Variants in BRMS1L observed in about 807,000 individuals in gnomAD.
BRMS1L encodes breast cancer metastasis-suppressor 1-like protein.
In BRMS1L, 23 loss-of-function variants were observed where a neutral mutation model predicts 50.3. The ratio of observed to expected loss-of-function variants is 0.46; its 90% CI spans 0.33 to 0.65. The LOEUF (loss-of-function observed/expected upper bound fraction) is 0.65. BRMS1L is among the 30% of genes least tolerant of loss of function. The probability of loss-of-function intolerance (pLI) is 0.02; values close to 1 mark genes in which losing one functional copy is unlikely to be tolerated. For missense variants in BRMS1L, 286 were observed against 386.1 expected (o/e 0.74, Z 2.17); for synonymous variants, 114 against 126.9 (o/e 0.90, Z 0.69).
intron 3 of BRMS1L, among the ~76,000 whole-genome samples, chr14:35,834,336 A>G (rs77284577): frequency 0.022 from 3,380 of 152,150 alleles, 129 homozygotes; most frequent in South Asian, 0.15. Context: ...TGTCAGGAGC[A>G]CTCCAGACAT....
At chr14:35,856,693 ACT>A (rs1158356446) in intron 4 of BRMS1L, among the ~76,000 whole-genome samples, 1 of 151,676 alleles carries the variant, frequency 6.6e-6, no homozygotes, top group Non-Finnish European at 1.5e-5. Context: ...CTCACTGCAA[ACT>A]CTGCCTCCCA....
At chr14:35,837,938 T>C (rs552506011) in intron 4 of BRMS1L, among the ~76,000 whole-genome samples, 4 of 152,298 alleles carry the variant, frequency 2.6e-5, no homozygotes, top group African/African-American at 7.2e-5. Context: ...GTTTGTTACA[T>C]AGGTATACAT....
Position 35,870,281 on chromosome 14 carries a change from G to T in BRMS1L, c.855-79G>T, listed in dbSNP as rs1368482159. 3.3e-6 allele frequency: 3 copies of T among 899,338 alleles called. No homozygotes were observed. The East Asian group carries it at 7.6e-5, about 23-fold the overall frequency. The allele number at this position is 899,338 out of a possible 1,614,324, so 55.7% of individuals were successfully genotyped here. On this transcript the variant is annotated intron_variant, in intron 9 of 9. Transcript: ENST00000216807. Reference sequence around the variant, plus strand: ...TACTGTTGTAGGCCAGTTTATTTTGGTTTTATATAGGTAATAATCTAAAGT... The same window carrying T: ...TACTGTTGTAGGCCAGTTTATTTTGTTTTTATATAGGTAATAATCTAAAGT...
intron 4 of BRMS1L, among the ~76,000 whole-genome samples, chr14:35,836,363 A>G (rs2077993288): frequency 1.3e-5 from 2 of 152,228 alleles, no homozygotes; most frequent in African/African-American, 2.4e-5. Flanking sequence ...GTTTTGAGAC[A>G]GGGTGTCACT....
chr14:35,832,505 C>CAAAAA (rs3058640), intron 2 of BRMS1L, among the ~76,000 whole-genome samples: 1 of 116,226 alleles, frequency 8.6e-6, no homozygotes. Flanking sequence ...GACTCCGTCT[C>CAAAAA]AAAAAAAAAA....
At chr14:35,865,126 G>GATA in intron 7 of BRMS1L, 127 bp downstream of exon 7, 2 of 630,050 alleles carry the variant, frequency 3.2e-6, no homozygotes, top group Non-Finnish European at 2.6e-6. Context: ...ATTTTTCTAA[G>GATA]GCAATTTAAT....
chr14:35,866,279 A>G (rs529310462), intron 8 of BRMS1L, among the ~76,000 whole-genome samples: 225 of 152,218 alleles, frequency 1.5e-3, no homozygotes, highest in Admixed American at 3.8e-3. Flanking sequence ...GCCTTCTTTC[A>G]CTATAGGTGA....
chr14:35,849,600 G>A (rs1394014588), intron 4 of BRMS1L, among the ~76,000 whole-genome samples: 3 of 152,030 alleles, frequency 2.0e-5, no homozygotes, highest in African/African-American at 7.2e-5. Context: ...CACCCAGCTT[G>A]TTACCTGTCT....
Position 35,864,926 on chromosome 14 carries a change from C to T in BRMS1L, c.623-9C>T. 6.5e-7 allele frequency: 1 copy of T among 1,540,442 alleles called. No homozygotes were observed. Among genetic ancestry groups the T allele is most frequent in the East Asian group, 2.4e-5 (1 of 41,770 alleles). ...ATTCTTACAGCTAAATTGACCTTGA[C>T]TATTCAACGTCCATATATAGTTTAT... On this transcript the variant is annotated splice_polypyrimidine_tract_variant and intron_variant, in intron 6 of 9. Transcript: ENST00000216807.
Position 35,840,582 on chromosome 14 carries a change from C to G in BRMS1L, c.441+5659C>G, listed in dbSNP as rs537814094. On this transcript the variant is annotated intron_variant, in intron 4 of 9. Transcript: ENST00000216807. Reference sequence around the variant, plus strand: ...GGTCTATTCAGGGATTCGACTTCTTCTTGATTTAGTGTTGGGAAGGTGTGT... The same window carrying G: ...GGTCTATTCAGGGATTCGACTTCTTGTTGATTTAGTGTTGGGAAGGTGTGT... Among the ~76,000 whole-genome samples, 5 of 152,238 alleles carry G rather than the reference C, an allele frequency of 3.3e-5. No individual in the cohort carries two copies. The East Asian group carries it at 7.7e-4, about 24-fold the overall frequency.
chr14:35,851,110 T>C (rs1041743649), intron 4 of BRMS1L, among the ~76,000 whole-genome samples: 6 of 152,202 alleles, frequency 3.9e-5, no homozygotes, highest in Non-Finnish European at 2.9e-5. Context: ...TGCTTCCTCA[T>C]GATTAGACAC....
chr14:35,869,772 G>A (rs949900509), intron 9 of BRMS1L, among the ~76,000 whole-genome samples: 2 of 151,964 alleles, frequency 1.3e-5, no homozygotes, highest in Non-Finnish European at 2.9e-5. Flanking sequence ...CTTGAACCGG[G>A]GAGGTGGAGA....
chr14:35,866,855 A>AT (rs1028242380), intron 8 of BRMS1L, among the ~76,000 whole-genome samples: 2 of 152,076 alleles, frequency 1.3e-5, no homozygotes. Flanking sequence ...TGGGTAATAG[A>AT]TTCCTTTTGA....
chr14:35,829,367 G>T (rs1254436763), intron 1 of BRMS1L, among the ~76,000 whole-genome samples: 1 of 152,114 alleles, frequency 6.6e-6, no homozygotes, highest in Non-Finnish European at 1.5e-5. Context: ...TTTTTATGTT[G>T]ACTCTTGTGA....
intron 4 of BRMS1L, among the ~76,000 whole-genome samples, chr14:35,853,016 A>ATCTATCTATCTATCTATC (rs552883048): frequency 6.0e-5 from 9 of 150,448 alleles, no homozygotes; most frequent in South Asian, 2.1e-4. Context: ...CTATCTATCT[A>ATCTATCTATCTATCTATC]TATATAGAGA....
chr14:35,835,831 T>C (rs2077984779), intron 4 of BRMS1L, among the ~76,000 whole-genome samples: 4 of 152,110 alleles, frequency 2.6e-5, no homozygotes, highest in South Asian at 2.1e-4. Flanking sequence ...GGTAACAGAG[T>C]GTCACCCTGT....
chr14:35,843,686 T>G (rs2078095565), intron 4 of BRMS1L, among the ~76,000 whole-genome samples: 1 of 152,242 alleles, frequency 6.6e-6, no homozygotes, highest in Non-Finnish European at 1.5e-5. Context: ...GGAGGCAGTC[T>G]GTCCCTTAGC....
chr14:35,865,981 T>C (rs17103590), intron 8 of BRMS1L: 7,055 of 484,626 alleles, frequency 0.015, 258 homozygotes, highest in African/African-American at 0.092. Flanking sequence ...TACATTCTTA[T>C]TGCTAATAAT....
At chr14:35,834,423 A>G (rs2077965836) in intron 3 of BRMS1L, among the ~76,000 whole-genome samples, 2 of 152,168 alleles carry the variant, frequency 1.3e-5, no homozygotes, top group Admixed American at 6.5e-5. Flanking sequence ...GTTAAAAAAA[A>G]AGTGGTTTTG....
Sources: gnomAD v4.1 joint callset for allele counts (sites outside exome capture counted in the v4.1 genomes callset) on GRCh38, gnomAD v4.1.1 for gene constraint, MANE v1.5 for transcripts, NCBI Gene and HGNC (gene_info 2026-07-23, HGNC 2026-07-21) for gene names.